ANKFN1: variants seen among roughly 807,000 people sequenced by gnomAD.
The protein encoded by ANKFN1 is ankyrin repeat and fibronectin type-III domain-containing protein 1.
A neutral mutation model predicts 108.7 loss-of-function variants in ANKFN1; 74 were observed. That is an observed-to-expected ratio of 0.68 (90% confidence interval 0.56 to 0.83). The LOEUF (loss-of-function observed/expected upper bound fraction) is 0.83, where lower values mean the gene tolerates loss of function less well. Ranked by LOEUF, ANKFN1 falls within the 40% of genes least tolerant of loss-of-function variation. ANKFN1 has a pLI of 0.00. For missense variants in ANKFN1, 1,505 were observed against 1,382.3 expected (o/e 1.09, Z -1.41); for synonymous variants, 547 against 516.2 (o/e 1.06, Z -0.81).
chr17:56,463,754 T>C (rs2049988721), intron 14 of ANKFN1: 1 of 152,256 alleles, frequency 6.6e-6, no homozygotes, highest in African/African-American at 2.4e-5. Flanking sequence ...TAACAATATA[T>C]GAATACCGTG....
At chr17:56,303,632 T>C (rs1798576222) in intron 3 of ANKFN1, among the ~76,000 whole-genome samples, 1 of 152,222 alleles carries the variant, frequency 6.6e-6, no homozygotes, top group South Asian at 2.1e-4. Context: ...ACTGTAGCTC[T>C]ACACACATGC....
intron 11 of ANKFN1, among the ~76,000 whole-genome samples, chr17:56,455,256 C>T (rs2049645549): frequency 6.6e-6 from 1 of 152,120 alleles, no homozygotes; most frequent in South Asian, 2.1e-4. Flanking sequence ...TTAATTTCTA[C>T]TCTGCTTTTA....
chr17:56,073,130 C>T (rs1905140133), intron 4 of ANKFN1, among the ~76,000 whole-genome samples: 1 of 150,940 alleles, frequency 6.6e-6, no homozygotes, highest in Admixed American at 6.6e-5. Flanking sequence ...GTAGCTGGGA[C>T]TACAGGCGCC....
chr17:56,136,861 T>G (rs2143373784), intron 4 of ANKFN1, among the ~76,000 whole-genome samples: 1 of 152,348 alleles, frequency 6.6e-6, no homozygotes, highest in East Asian at 1.9e-4. Flanking sequence ...GAAACACATT[T>G]AAATGGCAAA....
chr17:56,386,177 T>C (rs1053219983), intron 8 of ANKFN1, among the ~76,000 whole-genome samples: 1 of 151,468 alleles, frequency 6.6e-6, no homozygotes, highest in African/African-American at 2.4e-5. Flanking sequence ...TGTAGGGACA[T>C]GGATGAAACT....
intron 4 of ANKFN1, among the ~76,000 whole-genome samples, chr17:56,071,681 C>G (rs888957101): frequency 6.6e-6 from 1 of 152,192 alleles, no homozygotes; most frequent in Admixed American, 6.5e-5. Flanking sequence ...AACATTATAT[C>G]CATCTCCCAG....
intron 8 of ANKFN1, among the ~76,000 whole-genome samples, chr17:56,408,908 T>C (rs1398688670): frequency 6.6e-6 from 1 of 151,810 alleles, no homozygotes; most frequent in Non-Finnish European, 1.5e-5. Context: ...GAATACAAAA[T>C]GGTAAATGCT....
Position 56,516,163 on chromosome 17 carries a change from G to A in ANKFN1, c.*4894G>A, listed in dbSNP as rs1157303765. Among the ~76,000 whole-genome samples the A allele has an allele frequency of 3.3e-5, 5 of 151,912 alleles. No homozygotes were observed. Among genetic ancestry groups the A allele is most frequent in the African/African-American group, 1.2e-4 (5 of 41,338 alleles). Reference sequence around the variant, plus strand: ...AAATTATAGTAAGTCACTCTGAGTCGCTGTATTGCCTCTTGCCTTGTGAAA... The same window carrying A: ...AAATTATAGTAAGTCACTCTGAGTCACTGTATTGCCTCTTGCCTTGTGAAA... On this transcript the variant is annotated 3_prime_UTR_variant, in exon 21 of 21. Transcript: ENST00000682825.
intron 4 of ANKFN1, among the ~76,000 whole-genome samples, chr17:56,054,528 A>G (rs28673984): frequency 0.034 from 5,149 of 152,318 alleles, 251 homozygotes; most frequent in African/African-American, 0.11. Flanking sequence ...CAGTGCCTAT[A>G]AAAGTTATAT....
chr17:56,176,080 T>A (rs1236212018), intron 1 of ANKFN1, among the ~76,000 whole-genome samples: 2 of 152,018 alleles, frequency 1.3e-5, no homozygotes, highest in African/African-American at 4.8e-5. Context: ...AGGGGAGGAT[T>A]GTTCTTATCA....
At chr17:56,096,112 G>A (rs1485602255) in intron 4 of ANKFN1, among the ~76,000 whole-genome samples, 1 of 152,174 alleles carries the variant, frequency 6.6e-6, no homozygotes, top group African/African-American at 2.4e-5. Context: ...TTTATGGACA[G>A]GTCCTGGCAC....
intron 14 of ANKFN1, among the ~76,000 whole-genome samples, chr17:56,461,382 C>A (rs980054354): frequency 6.6e-6 from 1 of 152,162 alleles, no homozygotes; most frequent in African/African-American, 2.4e-5. Context: ...GTTCCATACT[C>A]CTTTTGGAGA....
chr17:56,069,329 G>A lies in ANKFN1; in HGVS notation c.288+23004G>A, dbSNP rs183251277. 1.6e-3 allele frequency among the ~76,000 whole-genome samples: 246 copies of A among 152,284 alleles called. 1 individual carries two copies. The highest frequency in any genetic ancestry group is 2.9e-3 in the South Asian group (14 of 4,832). On this transcript the variant is annotated intron_variant, in intron 4 of 12. Transcript: ENST00000635860. ...AAGTGATGGGGATGGAGTGTCTGGG[G>A]TACAGCGCGAAATGCCAGTTAAAAC...
chr17:56,187,320 C>G (rs1383298910), intron 1 of ANKFN1, among the ~76,000 whole-genome samples: 1 of 152,234 alleles, frequency 6.6e-6, no homozygotes, highest in African/African-American at 2.4e-5. Flanking sequence ...ATGGAGCCAA[C>G]AGACACATGA....
chr17:56,347,056 G>GT (rs776078114), intron 4 of ANKFN1, among the ~76,000 whole-genome samples: 39 of 151,268 alleles, frequency 2.6e-4, no homozygotes, highest in African/African-American at 8.5e-4. Flanking sequence ...TATTTATTAT[G>GT]TTTTTTTATT....
chr17:56,227,917 A>G lies in ANKFN1; in HGVS notation c.13A>G (p.Arg5Gly). The G allele has an allele frequency of 6.2e-7, 1 of 1,603,204 alleles. No homozygotes were observed. The highest frequency in any genetic ancestry group is 8.5e-7 in the Non-Finnish European group (1 of 1,176,536). ...TTCTTTTTTTCTTTCTTTGTTTCAG[A>G]GGCTACTCTTTAAAGACAGGCATTT... MNEK[R>G]LLFKDRHFTC... The change falls in exon 3 of 21, where the codon AGG becomes GGG. Residue 5 changes from arginine to glycine, a missense_variant and splice_region_variant. Transcript: ENST00000682825.
At chr17:56,467,856 GGGAAA>G in intron 15 of ANKFN1, among the ~76,000 whole-genome samples, 2 of 135,082 alleles carry the variant, frequency 1.5e-5, no homozygotes, top group South Asian at 2.5e-4. Flanking sequence ...GAAAGAAAAA[GGGAAA>G]GAAAGAAAGA....
At chr17:56,362,078 G>T (rs983965461) in intron 6 of ANKFN1, among the ~76,000 whole-genome samples, 12 of 152,096 alleles carry the variant, frequency 7.9e-5, no homozygotes, top group African/African-American at 2.2e-4. Flanking sequence ...CCTCCTGGAG[G>T]CTGGCTACCT....
chr17:56,333,117 A>G (rs2045711183), intron 4 of ANKFN1, among the ~76,000 whole-genome samples: 1 of 151,976 alleles, frequency 6.6e-6, no homozygotes, highest in Admixed American at 6.6e-5. Flanking sequence ...TCTGCAAATG[A>G]AGACTATCTC....
Sources: allele counts gnomAD v4.1 joint callset (sites outside exome capture counted in the v4.1 genomes callset), GRCh38; gene constraint gnomAD v4.1.1; transcripts MANE v1.5; gene names NCBI Gene and HGNC (gene_info 2026-07-23, HGNC 2026-07-21).